The following ADGRL2 variants were observed in gnomAD, a reference collection of about 807,000 sequenced individuals.
ADGRL2 encodes the protein calcium-independent alpha-latrotoxin receptor 2.
A neutral mutation model predicts 157.4 loss-of-function variants in ADGRL2; 44 were observed. The ratio of observed to expected loss-of-function variants is 0.28; its 90% CI spans 0.22 to 0.36. The LOEUF (loss-of-function observed/expected upper bound fraction) is 0.36. Ranked by LOEUF, ADGRL2 falls within the 10% of genes least tolerant of loss-of-function variation. The pLI is 1.00. For missense variants in ADGRL2, 1,510 were observed against 1,768.9 expected, an observed-to-expected ratio of 0.85 and a Z score of 2.63; for synonymous variants, 585 against 624.7, an observed-to-expected ratio of 0.94 and a Z score of 0.95.
intron 3 of ADGRL2, among the ~76,000 whole-genome samples, chr1:81,692,890 A>G (rs1557570796): frequency 6.6e-6 from 1 of 152,224 alleles, no homozygotes. Context: ...ACACTGGGCC[A>G]ATATTCCCCT....
chr1:81,594,996 A>T (rs965321586), intron 3 of ADGRL2, among the ~76,000 whole-genome samples: 2 of 152,216 alleles, frequency 1.3e-5, no homozygotes, highest in East Asian at 3.8e-4. Flanking sequence ...AGCACTGACT[A>T]GATGTCAGGA....
chr1:81,559,649 AG>A (rs1339212991), intron 2 of ADGRL2, among the ~76,000 whole-genome samples: 1 of 152,184 alleles, frequency 6.6e-6, no homozygotes, highest in African/African-American at 2.4e-5. Context: ...TTATGTAGAA[AG>A]GTTTTGGAAG....
chr1:81,605,176 G>C (rs1374768709), intron 3 of ADGRL2, among the ~76,000 whole-genome samples: 3 of 152,124 alleles, frequency 2.0e-5, no homozygotes, highest in Non-Finnish European at 4.4e-5. Context: ...TCAACATAAA[G>C]AGCCCTTCCC....
At chr1:81,344,130 G>A (rs1418011984) in intron 1 of ADGRL2, among the ~76,000 whole-genome samples, 4 of 152,084 alleles carry the variant, frequency 2.6e-5, no homozygotes, top group African/African-American at 9.6e-5. Flanking sequence ...GTGCAGTGGC[G>A]CAATCTCAGC....
intron 2 of ADGRL2, among the ~76,000 whole-genome samples, chr1:81,837,713 C>T (rs2092354402): frequency 6.6e-6 from 1 of 151,822 alleles, no homozygotes. Flanking sequence ...AATAAATATA[C>T]TTTTGAAGCC....
chr1:81,847,427 A>G (rs1050526052), intron 2 of ADGRL2, among the ~76,000 whole-genome samples: 1 of 151,908 alleles, frequency 6.6e-6, no homozygotes, highest in African/African-American at 2.4e-5. Context: ...GGTCTAGAAA[A>G]TGAGAGTTTA....
chr1:81,927,911 C>A (rs1383511643), intron 3 of ADGRL2, among the ~76,000 whole-genome samples: 2 of 151,954 alleles, frequency 1.3e-5, no homozygotes, highest in East Asian at 3.9e-4. Flanking sequence ...GATAAAATAG[C>A]ATTTCATTAT....
At chr1:81,472,764 A>G (rs1374054335) in intron 2 of ADGRL2, among the ~76,000 whole-genome samples, 2 of 152,236 alleles carry the variant, frequency 1.3e-5, no homozygotes, top group Admixed American at 1.3e-4. Context: ...ATGGCACCAT[A>G]ATGAAATTTT....
intron 1 of ADGRL2, among the ~76,000 whole-genome samples, chr1:81,373,701 G>C (rs1412145108): frequency 6.6e-6 from 1 of 152,176 alleles, no homozygotes; most frequent in Non-Finnish European, 1.5e-5. Flanking sequence ...ACAGAAGTCA[G>C]CCTGAAAAAC....
chr1:81,747,239 A>G (rs1571054438), intron 1 of ADGRL2, among the ~76,000 whole-genome samples: 1 of 148,048 alleles, frequency 6.8e-6, no homozygotes, highest in Non-Finnish European at 1.5e-5. Context: ...ATATACATAT[A>G]TATGTATATG....
chr1:81,562,258 T>C (rs935827912), intron 2 of ADGRL2, among the ~76,000 whole-genome samples: 1 of 152,144 alleles, frequency 6.6e-6, no homozygotes, highest in Non-Finnish European at 1.5e-5. Context: ...TTAAAATTGT[T>C]TGAGGCTCTT....
chr1:81,562,658 T>G (rs1170147009), intron 2 of ADGRL2, among the ~76,000 whole-genome samples: 2 of 152,078 alleles, frequency 1.3e-5, no homozygotes, highest in African/African-American at 4.8e-5. Context: ...AAATTTAATT[T>G]TTATTTTTTA....
chr1:81,648,940 G>A (rs1006778646), intron 3 of ADGRL2, among the ~76,000 whole-genome samples: 13 of 152,204 alleles, frequency 8.5e-5, no homozygotes, highest in African/African-American at 3.1e-4. Flanking sequence ...CTTGGAACCG[G>A]AGAATGCTGT....
chr1:81,612,619 G>A (rs543665837), intron 3 of ADGRL2, among the ~76,000 whole-genome samples: 1 of 151,934 alleles, frequency 6.6e-6, no homozygotes, highest in Non-Finnish European at 1.5e-5. Flanking sequence ...GTTGGCAATT[G>A]TTTGTTGTGG....
intron 2 of ADGRL2, among the ~76,000 whole-genome samples, chr1:81,573,171 G>T (rs936515927): frequency 6.6e-6 from 1 of 151,774 alleles, no homozygotes. Flanking sequence ...ATTTCCCTGG[G>T]ATCCTATTAA....
chr1:81,385,350 A>G (rs1243184584), intron 1 of ADGRL2, among the ~76,000 whole-genome samples: 1 of 152,110 alleles, frequency 6.6e-6, no homozygotes, highest in East Asian at 1.9e-4. Flanking sequence ...GTTGTAATAT[A>G]TTCCAAAGGC....
chr1:81,653,692 C>T (rs932319079), intron 3 of ADGRL2, among the ~76,000 whole-genome samples: 6 of 151,830 alleles, frequency 4.0e-5, no homozygotes, highest in Non-Finnish European at 7.4e-5. Context: ...TGTACAGAAG[C>T]GTGTGAAAAG....
intron 2 of ADGRL2, among the ~76,000 whole-genome samples, chr1:81,532,561 A>G (rs557277641): frequency 1.3e-5 from 2 of 151,288 alleles, no homozygotes; most frequent in African/African-American, 4.9e-5. Context: ...CAAATTTATC[A>G]TATAATTTAG....
rs931303098 is a variant in ADGRL2, at chr1:81,508,724, A to G, written c.-248+63635A>G. Reference sequence around the variant, plus strand: ...CTGCCATCTTTTTACAGAATACATAATAGGGAACATAGGAATCACACACGA... The same window carrying G: ...CTGCCATCTTTTTACAGAATACATAGTAGGGAACATAGGAATCACACACGA... On this transcript the variant is annotated intron_variant, in intron 2 of 24. Transcript: ENST00000370721. Among the ~76,000 whole-genome samples the G allele has an allele frequency of 6.6e-5, 10 of 152,324 alleles. No individual in the cohort carries two copies. In the South Asian group the frequency reaches 1.5e-3, roughly 22 times the overall value.
Sources: allele counts gnomAD v4.1 joint callset (sites outside exome capture counted in the v4.1 genomes callset), GRCh38; gene constraint gnomAD v4.1.1; transcripts MANE v1.5; gene names NCBI Gene and HGNC (gene_info 2026-07-23, HGNC 2026-07-21).